TNPO3: variants seen among roughly 807,000 people sequenced by gnomAD.
TNPO3 encodes transportin 3.
Under a neutral mutation model 122.8 loss-of-function variants are expected in TNPO3, and 65 were observed. The ratio of observed to expected loss-of-function variants is 0.53; its 90% CI spans 0.43 to 0.65. The LOEUF (loss-of-function observed/expected upper bound fraction) is 0.65, where lower values mean the gene tolerates loss of function less well. Ranked by LOEUF, TNPO3 falls within the 30% of genes least tolerant of loss-of-function variation. The pLI, the probability that TNPO3 is intolerant of heterozygous loss-of-function variation, is 0.00. For missense variants in TNPO3, 850 were observed against 1,136.7 expected, an observed-to-expected ratio of 0.75 and a Z score of 3.63; for synonymous variants, 372 against 411.2, an observed-to-expected ratio of 0.90 and a Z score of 1.15.
chr7:128,971,394 C>T (rs552688893), intron 19 of TNPO3, among the ~76,000 whole-genome samples: 1 of 152,358 alleles, frequency 6.6e-6, no homozygotes, highest in South Asian at 2.1e-4. Context: ...GATCTGCACG[C>T]CTTGGCCTCC....
intron 5 of TNPO3, among the ~76,000 whole-genome samples, chr7:129,002,405 G>A (rs1380663244): frequency 6.6e-6 from 1 of 152,188 alleles, no homozygotes; most frequent in Non-Finnish European, 1.5e-5. Context: ...ATCCTCCCGG[G>A]TTTCTAGTGA....
chr7:129,021,689 A>G (rs1330091718), intron 1 of TNPO3, among the ~76,000 whole-genome samples: 3 of 152,232 alleles, frequency 2.0e-5, no homozygotes, highest in Admixed American at 6.5e-5. Flanking sequence ...GTAATACCTT[A>G]CGAGGAAAGA....
intron 5 of TNPO3, 107 bp downstream of exon 5, chr7:129,004,909 C>A (rs550339514): frequency 9.6e-7 from 1 of 1,036,878 alleles, no homozygotes; most frequent in South Asian, 1.6e-5. Flanking sequence ...TCTTAATACA[C>A]GCCTTCCAGT....
intron 4 of TNPO3, among the ~76,000 whole-genome samples, chr7:129,007,215 T>G (rs1802674674): frequency 6.6e-6 from 1 of 152,206 alleles, no homozygotes; most frequent in Non-Finnish European, 1.5e-5. Flanking sequence ...GACAGTCAAG[T>G]AACTCGCCCA....
intron 13 of TNPO3, among the ~76,000 whole-genome samples, chr7:128,983,503 G>A (rs190113953): frequency 3.3e-5 from 5 of 152,232 alleles, no homozygotes; most frequent in Admixed American, 2.6e-4. Flanking sequence ...ACACCCGGCT[G>A]ATCAAAGACT....
chr7:128,957,604 T>C (rs1030552826), intron 21 of TNPO3, among the ~76,000 whole-genome samples: 4 of 152,214 alleles, frequency 2.6e-5, no homozygotes, highest in African/African-American at 9.6e-5. Flanking sequence ...CCAATCTTTG[T>C]CTCAGTTTCC....
intron 1 of TNPO3, among the ~76,000 whole-genome samples, chr7:129,051,565 G>C (rs886100752): frequency 6.6e-6 from 1 of 151,992 alleles, no homozygotes; most frequent in Non-Finnish European, 1.5e-5. Context: ...TTGAACTCCT[G>C]GGCTCAAGGG....
At chr7:128,993,171 G>A (rs1484110662) in intron 9 of TNPO3, among the ~76,000 whole-genome samples, 1 of 149,990 alleles carries the variant, frequency 6.7e-6, no homozygotes, top group East Asian at 1.9e-4. Flanking sequence ...GTATTGCTGT[G>A]ACAAAGCTTC....
intron 1 of TNPO3, among the ~76,000 whole-genome samples, chr7:129,053,580 T>C (rs1264235133): frequency 6.6e-6 from 1 of 151,704 alleles, no homozygotes; most frequent in East Asian, 1.9e-4. Flanking sequence ...TTAAATATTA[T>C]GCACTTGCAG....
chr7:128,964,546 A>T lies in TNPO3; in HGVS notation c.2711+2734T>A, dbSNP rs554553611. Among the ~76,000 whole-genome samples, 7 of 152,208 alleles carry T rather than the reference A, an allele frequency of 4.6e-5. No homozygotes were observed. The South Asian group carries it at 1.0e-3, about 23-fold the overall frequency. On this transcript the variant is annotated intron_variant, in intron 21 of 22. Transcript: ENST00000265388. ...GAGATGGGGTTTCACTGTTTTAGCC[A>T]GGATGGTCTCAATCTCCTGACCTCG...
chr7:129,019,510 G>C (rs528501589), intron 1 of TNPO3, among the ~76,000 whole-genome samples: 2 of 152,088 alleles, frequency 1.3e-5, no homozygotes, highest in Non-Finnish European at 2.9e-5. Flanking sequence ...AAAGTAAATG[G>C]AAAATAAAGA....
chr7:129,044,454 G>A (rs963876780), intron 1 of TNPO3, among the ~76,000 whole-genome samples: 4 of 152,176 alleles, frequency 2.6e-5, no homozygotes, highest in Non-Finnish European at 5.9e-5. Flanking sequence ...TCTGTTAACA[G>A]AAAACCCACC....
intron 21 of TNPO3, among the ~76,000 whole-genome samples, 176 bp downstream of exon 21, chr7:128,967,104 G>A (rs1797995272): frequency 6.6e-6 from 1 of 152,200 alleles, no homozygotes; most frequent in Non-Finnish European, 1.5e-5. Context: ...TTAAATATAT[G>A]TACATACATA....
At chr7:129,011,072 C>T (rs181695061) in intron 4 of TNPO3, among the ~76,000 whole-genome samples, 1 of 152,240 alleles carries the variant, frequency 6.6e-6, no homozygotes, top group East Asian at 1.9e-4. Flanking sequence ...TAGCTTTAGG[C>T]TTAATTCTCT....
At chr7:129,021,118 G>A (rs922434136) in intron 1 of TNPO3, among the ~76,000 whole-genome samples, 18 of 152,116 alleles carry the variant, frequency 1.2e-4, no homozygotes, top group African/African-American at 4.1e-4. Context: ...CACTTTGGGA[G>A]GCTAAGGCAG....
chr7:129,053,114 C>T (rs549444172), intron 1 of TNPO3, among the ~76,000 whole-genome samples: 189 of 152,054 alleles, frequency 1.2e-3, no homozygotes, highest in African/African-American at 4.3e-3. Context: ...CACCTGAGGT[C>T]GGAGTTAGAG....
At chr7:129,046,308 C>T (rs562354267) in intron 1 of TNPO3, among the ~76,000 whole-genome samples, 3 of 151,744 alleles carry the variant, frequency 2.0e-5, no homozygotes, top group African/African-American at 7.3e-5. Context: ...TACATTGGTA[C>T]ACTCTCTGGG....
At chr7:128,989,167 C>T (rs1259644966) in intron 11 of TNPO3, among the ~76,000 whole-genome samples, 1 of 152,084 alleles carries the variant, frequency 6.6e-6, no homozygotes, top group African/African-American at 2.4e-5. Flanking sequence ...ACAAAGAACA[C>T]ATTCACTCTT....
chr7:128,984,822 C>T (rs1799980334), intron 12 of TNPO3, among the ~76,000 whole-genome samples: 1 of 152,144 alleles, frequency 6.6e-6, no homozygotes, highest in African/African-American at 2.4e-5. Flanking sequence ...GCCTTTCTTT[C>T]ATTTTAAAAA....
Sources: gnomAD v4.1 joint callset for allele counts (sites outside exome capture counted in the v4.1 genomes callset) on GRCh38, gnomAD v4.1.1 for gene constraint, MANE v1.5 for transcripts, NCBI Gene and HGNC (gene_info 2026-07-23, HGNC 2026-07-21) for gene names.